Variants in GBP3 observed in about 807,000 individuals in gnomAD.
GBP3 encodes the protein guanylate binding protein 3.
In GBP3, 55 loss-of-function variants were observed where a neutral mutation model predicts 62.4. The observed-to-expected ratio is 0.88, with a 90% CI of 0.71 to 1.10. The LOEUF is 1.10. Ranked by LOEUF, GBP3 falls within the 50% of genes least tolerant of loss-of-function variation. The pLI is 0.00. For synonymous variants in GBP3, 208 were observed against 259.2 expected (o/e 0.80, Z 1.90); for missense variants, 605 against 690.6 (o/e 0.88, Z 1.39).
At chr1:89,021,510 G>GCGCGCGCGCACACACACACA (rs751639388) in intron 1 of GBP3, among the ~76,000 whole-genome samples, 3 of 131,668 alleles carry the variant, frequency 2.3e-5, no homozygotes, top group African/African-American at 9.0e-5. Context: ...GCGCGCGCGC[G>GCGCGCGCGCACACACACACA]CACACACACA....
rs533704628 is a variant in GBP3 at position 89,013,983 on chromosome 1, T to C, written c.625+100A>G. On this transcript the variant is annotated intron_variant, in intron 5 of 10. Transcript: ENST00000370481. ...TCTTAAGAATAGCAAGCTAGAGATA[T>C]AGAAAACTGTAAATGTGAGAAAACT... 66 of 1,276,746 alleles carry C rather than the reference T, an allele frequency of 5.2e-5. No homozygotes were observed. In the East Asian group the frequency reaches 5.3e-4, roughly 10 times the overall value. The allele number at this position is 1,276,746 out of a possible 1,614,324, so 79.1% of individuals were successfully genotyped here.
chr1:89,009,036 C>T lies in GBP3; in HGVS notation c.1570G>A (p.Glu524Lys), dbSNP rs866354434. ...MMEEKEKSYQ[E>K]HVKQLTEKME... is the part of the protein sequence containing the mutation. ...TTCTCAGTCAATTGTTTCACATGTT[C>T]TTGATAACTCTTCTCTTTCTCTTCC... The change falls in exon 10 of 11, where the codon GAA becomes AAA. Residue 524 changes from glutamate (E) to lysine (K), a missense_variant. Glu to Lys is a moderately conservative substitution (Grantham distance 56). Transcript: ENST00000370481. The T allele has an allele frequency of 6.2e-7, 1 of 1,614,080 alleles. No individual in the cohort carries two copies. The highest frequency in any genetic ancestry group is 8.5e-7 in the Non-Finnish European group (1 of 1,180,014).
At position 89,009,425 on chromosome 1, in the gene GBP3, GGTCT is replaced by G; in HGVS notation, c.1428_1431del (p.Asp477ArgfsTer15). On this transcript the variant is annotated frameshift_variant, in exon 9 of 11. Transcript: ENST00000370481. LOFTEE classifies it high-confidence loss of function. ...TCCTTTTCCTTTTCTGTGAGAATCTGGTCTGTCTGTAGAATTGCATCGGTCACAG... is the reference window on the plus strand; with the variant it reads ...TCCTTTTCCTTTTCTGTGAGAATCTGGTCTGTAGAATTGCATCGGTCACAG... 6.2e-7 allele frequency: 1 copy of G among 1,614,072 alleles called. No homozygotes were observed. Among genetic ancestry groups the G allele is most frequent in the Non-Finnish European group, 8.5e-7 (1 of 1,179,990 alleles).
chr1:89,013,257 C>G lies in GBP3; in HGVS notation c.796G>C (p.Asp266His). The G allele has an allele frequency of 3.7e-6, 6 of 1,614,214 alleles. No individual in the cohort carries two copies. Among genetic ancestry groups the G allele is most frequent in the Non-Finnish European group, 5.1e-6 (6 of 1,180,036 alleles). Residue 266 changes from aspartate (D) to histidine (H), a missense_variant, in exon 6 of 11, where the codon GAC becomes CAC. Physicochemically the swap from Asp to His is moderately conservative, Grantham distance 81 (BLOSUM62 -1). Coordinates refer to ENST00000370481, the MANE Select transcript of GBP3 (RefSeq NM_018284.3). ...LDPEFVQQVADFCSYIFSNSK... is the reference protein window; with the variant it reads ...LDPEFVQQVAHFCSYIFSNSK... ...TTGCTAAAGATGTAGGAACAGAAGT[C>G]TGCTACTTGTTGCACAAATTCAGGG... is the stretch of plus-strand genomic sequence containing the variant.
chr1:89,013,959 C>G, intron 5 of GBP3, 124 bp downstream of exon 5: 1 of 1,081,596 alleles, frequency 9.2e-7, no homozygotes. Context: ...AGCATTAATT[C>G]TTAAGAATAG....
chr1:89,020,242 A>G (rs1426525882), intron 2 of GBP3: 4 of 436,380 alleles, frequency 9.2e-6, no homozygotes, highest in South Asian at 8.3e-5. Flanking sequence ...TGTCTCAAGA[A>G]AAAAAAAGAC....
Position 89,011,111 on chromosome 1 carries a change from C to G in GBP3, c.1155G>C (p.Gln385His). The G allele has an allele frequency of 6.8e-7, 1 of 1,461,808 alleles. No individual in the cohort carries two copies. The highest frequency in any genetic ancestry group is 9.5e-7 in the Non-Finnish European group (1 of 1,055,012). The allele number at this position is 1,461,808 out of a possible 1,614,324, so 90.6% of individuals were successfully genotyped here. A position where few individuals can be genotyped will look rare whatever the true frequency, so the allele number is the denominator to read the frequency against. The stretch of plus-strand genomic sequence containing the variant: ...AAAAGTCATCCCGCTTTTTGTCTAG[C>G]TGGGCCTTTAATGTAAAAATAGGAA... ...DHLFQKKLAA[Q>H]LDKKRDDFCK... The change falls in exon 8 of 11, where the codon CAG (glutamine) becomes CAC (histidine). Residue 385 changes from glutamine (Q) to histidine (H), a missense_variant. This residue lies in a region of GBP3 where 137 missense variants were observed against 224.7 expected (regional missense o/e 0.61). Coordinates refer to ENST00000370481, the MANE Select transcript of GBP3 (RefSeq NM_018284.3).
chr1:89,010,123 AAT>A (rs1491472309), intron 8 of GBP3, among the ~76,000 whole-genome samples: 1 of 116,204 alleles, frequency 8.6e-6, no homozygotes. Context: ...TTAATTAACT[AAT>A]TTTTTTTTTT....
At position 89,022,766 on chromosome 1, in the gene GBP3, C is replaced by G. The variant is rs1384224991; in HGVS notation, c.-105G>C. ...CTGGATCGCTGGACTTTTATTTCAC[C>G]CCTTCAGTGTTGTGTAGCTTTCTGG... is the stretch of plus-strand genomic sequence containing the variant. On this transcript the variant is annotated 5_prime_UTR_variant, in exon 1 of 11. Transcript: ENST00000370481. The G allele has an allele frequency of 1.3e-5, 2 of 152,132 alleles. No homozygotes were observed. Among genetic ancestry groups the G allele is most frequent in the Non-Finnish European group, 2.9e-5 (2 of 68,036 alleles). 9.4% of individuals were successfully genotyped at this position (152,132 alleles called of 1,614,324 possible).
intron 2 of GBP3, among the ~76,000 whole-genome samples, chr1:89,017,886 C>A (rs1002528038): frequency 1.3e-5 from 2 of 152,074 alleles, no homozygotes; most frequent in African/African-American, 4.8e-5. Context: ...TGAGACCGGC[C>A]TGGCAAATAT....
At chr1:89,020,392 A>G (rs1476544984) in intron 2 of GBP3, 140 bp downstream of exon 2, 2 of 887,186 alleles carry the variant, frequency 2.3e-6, no homozygotes, top group Non-Finnish European at 3.7e-6. Flanking sequence ...CCCCTAGAAG[A>G]GTGAAGATAA....
chr1:89,009,451 A>G lies in GBP3; in HGVS notation c.1406T>C (p.Val469Ala). ...GTCTGTCTGTAGAATTGCATCGGTC[A>G]CAGACTCCTTGGATTTCAAGTATGT... ...LQTYLKSKES[V>A]TDAILQTDQI... Residue 469 changes from valine to alanine, a missense_variant, in exon 9 of 11, where the codon GTG (valine) becomes GCG (alanine). Around this residue, in one of 3 missense-constraint regions of GBP3, gnomAD observed 160 missense variants for 147.8 expected, o/e 1.08. Coordinates refer to ENST00000370481, the MANE Select transcript of GBP3 (RefSeq NM_018284.3). 1 of 1,614,152 alleles carries G rather than the reference A, an allele frequency of 6.2e-7. No individual in the cohort carries two copies. The highest frequency in any genetic ancestry group is 8.5e-7 in the Non-Finnish European group (1 of 1,180,014).
At position 89,011,912 on chromosome 1, in the gene GBP3, C is replaced by G. The variant is rs755322706; in HGVS notation, c.984G>C (p.Lys328Asn). 2.7e-5 allele frequency: 40 copies of G among 1,462,382 alleles called. 13 individuals carry two copies. The highest frequency in any genetic ancestry group is 3.8e-5 in the Non-Finnish European group (40 of 1,055,310). The allele number at this position is 1,462,382 out of a possible 1,614,324, so 90.6% of individuals were successfully genotyped here. The change falls in exon 7 of 11, where the codon AAG becomes AAC. Residue 328 changes from lysine to asparagine, a missense_variant. Physicochemically the swap from Lys to Asn is moderately conservative, Grantham distance 94. This residue lies in a region of GBP3 where 137 missense variants were observed against 224.7 expected (regional missense o/e 0.61). Transcript: ENST00000370481. The part of the protein sequence containing the change: ...AQIENSAAVQ[K>N]AIAHYDQQMG... Reference sequence around the variant, plus strand: ...TCTGCTGGTCATAGTGGGCAATAGCCTTTTGCACTGCGGCTGAGTTCTCTA... The same window carrying G: ...TCTGCTGGTCATAGTGGGCAATAGCGTTTTGCACTGCGGCTGAGTTCTCTA...
intron 2 of GBP3, among the ~76,000 whole-genome samples, chr1:89,016,387 C>T (rs1426900996): frequency 6.6e-6 from 1 of 151,972 alleles, no homozygotes. Flanking sequence ...GGTGTGGTGG[C>T]GGGCACCTGT....
chr1:89,008,225 C>G (rs747569933), intron 10 of GBP3, among the ~76,000 whole-genome samples: 11 of 151,844 alleles, frequency 7.2e-5, no homozygotes, highest in Non-Finnish European at 2.9e-5. Flanking sequence ...ACACATAATA[C>G]AGAGATAAGT....
intron 9 of GBP3, 125 bp from the exon 10 acceptor site, chr1:89,009,265 A>G: frequency 7.3e-7 from 1 of 1,375,946 alleles, no homozygotes; most frequent in Non-Finnish European, 1.0e-6. Flanking sequence ...AACAAGTAAG[A>G]CATGTCTTGC....
chr1:89,013,377 TC>T lies in GBP3; in HGVS notation c.675del (p.Lys226SerfsTer39), dbSNP rs758171042. ...AAACATTTTTTCTTTGGGAAGAACT[TC>T]CGGATACAGAGTCGGGGCAGATTAA... is the stretch of plus-strand genomic sequence containing the variant. ...KNFNLPRLCI[R>X]KFFPKKKCFV... On this transcript the variant is annotated frameshift_variant, in exon 6 of 11. Transcript: ENST00000370481. LOFTEE classifies it high-confidence loss of function. 1 of 1,614,110 alleles carries T rather than the reference TC, an allele frequency of 6.2e-7. No homozygotes were observed.
intron 5 of GBP3, chr1:89,013,811 GA>G: frequency 4.6e-6 from 2 of 434,380 alleles, no homozygotes; most frequent in Non-Finnish European, 4.0e-6. Context: ...TGTAAAATAG[GA>G]AAAAATGAAA....
intron 8 of GBP3, among the ~76,000 whole-genome samples, 154 bp downstream of exon 8, chr1:89,010,750 A>G (rs1194772304): frequency 8.7e-6 from 1 of 115,246 alleles, no homozygotes; most frequent in African/African-American, 3.5e-5. Context: ...CATACCTGAT[A>G]TAACAGTCTC....
Sources: gnomAD v4.1 joint callset for allele counts (sites outside exome capture counted in the v4.1 genomes callset) on GRCh38, gnomAD v4.1.1 for gene constraint, gnomAD v4.1.1 regional missense constraint, MANE v1.5 for transcripts, NCBI Gene and HGNC (gene_info 2026-07-23, HGNC 2026-07-21) for gene names.